The following NBEA variants were observed in gnomAD, a reference collection of about 807,000 sequenced individuals.
NBEA encodes neurobeachin, also known as lysosomal-trafficking regulator 2.
NBEA carries 44 observed loss-of-function variants against 343.4 expected under a neutral mutation model. That is an observed-to-expected ratio of 0.13 (90% CI 0.10 to 0.16). NBEA has a LOEUF of 0.16. NBEA is among the 10% of genes least tolerant of loss of function. The probability of loss-of-function intolerance (pLI) is 1.00; values close to 1 mark genes in which losing one functional copy is unlikely to be tolerated. For synonymous variants in NBEA, 1,175 were observed against 1,238.7 expected, an observed-to-expected ratio of 0.95 and a Z score of 1.08; for missense variants, 2,555 against 3,631.3, an observed-to-expected ratio of 0.70 and a Z score of 7.62.
chr13:35,222,146 C>A (rs1229904034), intron 33 of NBEA, among the ~76,000 whole-genome samples: 3 of 151,654 alleles, frequency 2.0e-5, no homozygotes, highest in Non-Finnish European at 4.4e-5. Context: ...TTTTTTTAAT[C>A]ACTGATTTCA....
intron 34 of NBEA, among the ~76,000 whole-genome samples, chr13:35,278,328 A>AT (rs1360797518): frequency 6.6e-6 from 1 of 151,862 alleles, no homozygotes; most frequent in African/African-American, 2.4e-5. Context: ...AAGTGGCTTC[A>AT]TTTTCTCTAC....
chr13:35,517,035 A>G (rs894808792), intron 41 of NBEA, among the ~76,000 whole-genome samples: 1 of 152,122 alleles, frequency 6.6e-6, no homozygotes, highest in Non-Finnish European at 1.5e-5. Context: ...TAACATATAC[A>G]GTCAAAATTA....
chr13:34,977,981 T>A (rs2060236540), intron 1 of NBEA, among the ~76,000 whole-genome samples: 1 of 151,706 alleles, frequency 6.6e-6, no homozygotes, highest in East Asian at 1.9e-4. Flanking sequence ...TTAAAAAAAT[T>A]TTTTTTTTAG....
chr13:35,133,746 A>G (rs1387551882), intron 17 of NBEA, among the ~76,000 whole-genome samples: 3 of 152,066 alleles, frequency 2.0e-5, no homozygotes, highest in Non-Finnish European at 2.9e-5. Context: ...TGAAGACAAA[A>G]TTGTAAATTG....
chr13:35,517,558 C>T (rs1594860589), intron 41 of NBEA, among the ~76,000 whole-genome samples: 1 of 152,192 alleles, frequency 6.6e-6, no homozygotes, highest in Admixed American at 6.5e-5. Flanking sequence ...TTTAGCTCAG[C>T]ATCAGAAGCC....
At chr13:35,468,162 A>G (rs542799795) in intron 40 of NBEA, among the ~76,000 whole-genome samples, 1 of 147,824 alleles carries the variant, frequency 6.8e-6, no homozygotes, top group East Asian at 2.1e-4. Context: ...ATTGAGAAAA[A>G]GAAAAAGCAG....
At chr13:35,004,463 TAAAGGGGGAAAA>T (rs2061248770) in intron 1 of NBEA, among the ~76,000 whole-genome samples, 1 of 152,174 alleles carries the variant, frequency 6.6e-6, no homozygotes, top group African/African-American at 2.4e-5. Context: ...AAAAGGAAGT[TAAAGGGGGAAAA>T]AAGCACTGGA....
intron 17 of NBEA, among the ~76,000 whole-genome samples, chr13:35,135,606 A>G (rs1056125050): frequency 2.0e-5 from 3 of 151,990 alleles, no homozygotes; most frequent in Non-Finnish European, 4.4e-5. Flanking sequence ...AACTCTTCAA[A>G]AGCTAACTCA....
intron 1 of NBEA, among the ~76,000 whole-genome samples, chr13:35,002,128 G>T (rs2061161821): frequency 6.6e-6 from 1 of 152,084 alleles, no homozygotes; most frequent in Non-Finnish European, 1.5e-5. Flanking sequence ...TCCAAAAAAG[G>T]TACCCTCAGA....
intron 40 of NBEA, among the ~76,000 whole-genome samples, chr13:35,463,746 A>C (rs2152953679): frequency 6.6e-6 from 1 of 152,296 alleles, no homozygotes; most frequent in Middle Eastern, 3.4e-3. Flanking sequence ...CTGAAACTAA[A>C]GGAGAGAATA....
intron 38 of NBEA, among the ~76,000 whole-genome samples, chr13:35,371,520 G>C (rs2105173): frequency 0.3 from 45,886 of 151,696 alleles, 9,190 homozygotes; most frequent in African/African-American, 0.57. Context: ...AATTGGTTTT[G>C]TGATTTATTT....
chr13:35,125,078 G>A (rs1445636558), intron 17 of NBEA, among the ~76,000 whole-genome samples: 2 of 152,080 alleles, frequency 1.3e-5, no homozygotes, highest in Non-Finnish European at 2.9e-5. Context: ...TAACAAGCAG[G>A]CAGTTTCCTG....
intron 1 of NBEA, among the ~76,000 whole-genome samples, chr13:34,984,485 C>G (rs2060476804): frequency 1.3e-5 from 2 of 151,922 alleles, no homozygotes; most frequent in South Asian, 2.1e-4. Context: ...TGTGATGCCT[C>G]CAGCTTTGTT....
intron 46 of NBEA, among the ~76,000 whole-genome samples, chr13:35,589,417 T>C (rs1462302856): frequency 6.6e-6 from 1 of 152,132 alleles, no homozygotes; most frequent in Non-Finnish European, 1.5e-5. Context: ...TTGTAGCTGT[T>C]ATTTCCCTTC....
intron 41 of NBEA, 90 bp downstream of exon 41, chr13:35,472,626 AG>A (rs2075704176): frequency 4.6e-6 from 6 of 1,309,824 alleles, no homozygotes; most frequent in African/African-American, 1.5e-5. Flanking sequence ...ACAGTGGAGG[AG>A]GGGAGCACAT....
chr13:35,422,096 T>TTTTG (rs2044313014), intron 38 of NBEA, among the ~76,000 whole-genome samples: 1 of 145,794 alleles, frequency 6.9e-6, no homozygotes, highest in Non-Finnish European at 1.5e-5. Context: ...TTGTTTGTTT[T>TTTTG]TTTTTTTTTT....
chr13:35,407,042 C>T (rs2043307631), intron 38 of NBEA, among the ~76,000 whole-genome samples: 1 of 151,252 alleles, frequency 6.6e-6, no homozygotes, highest in Non-Finnish European at 1.5e-5. Flanking sequence ...TCACGGCACC[C>T]TCTGCCTCCC....
chr13:35,359,864 T>G (rs1298514455), intron 38 of NBEA, among the ~76,000 whole-genome samples: 1 of 151,126 alleles, frequency 6.6e-6, no homozygotes, highest in East Asian at 1.9e-4. Flanking sequence ...GTGTGTGAGA[T>G]CTCAGTTTTT....
chr13:35,506,171 T>C (rs990309746), intron 41 of NBEA, among the ~76,000 whole-genome samples: 23 of 152,210 alleles, frequency 1.5e-4, no homozygotes, highest in African/African-American at 5.3e-4. Context: ...CAAGTGATCC[T>C]CCAGCCTCAG....
Sources: gnomAD v4.1 joint callset for allele counts (sites outside exome capture counted in the v4.1 genomes callset) on GRCh38, gnomAD v4.1.1 for gene constraint, MANE v1.5 for transcripts, NCBI Gene and HGNC (gene_info 2026-07-23, HGNC 2026-07-21) for gene names.